Variants in ALMS1 observed in about 807,000 individuals in gnomAD.
ALMS1 encodes the protein centrosome-associated protein ALMS1.
A neutral mutation model predicts 352.2 loss-of-function variants in ALMS1; 271 were observed. The ratio of observed to expected loss-of-function variants is 0.77; its 90% confidence interval spans 0.70 to 0.85. The LOEUF is 0.85. Among genes scored for constraint, ALMS1 ranks in the 40% least tolerant of loss-of-function variants. The pLI, the probability that ALMS1 is intolerant of heterozygous loss-of-function variation, is 0.00. For missense variants in ALMS1, 5,445 were observed against 4,870.7 expected, an observed-to-expected ratio of 1.12 and a Z score of -3.51; for synonymous variants, 1,865 against 1,761.2, an observed-to-expected ratio of 1.06 and a Z score of -1.48.
intron 9 of ALMS1, among the ~76,000 whole-genome samples, chr2:73,483,200 G>T (rs374905513): frequency 0.059 from 8,764 of 147,720 alleles, 387 homozygotes; most frequent in East Asian, 0.21. Context: ...GCTTTCTCTT[G>T]TGGGCATTTA....
At chr2:73,516,596 T>C (rs1673561441) in intron 10 of ALMS1, among the ~76,000 whole-genome samples, 1 of 152,222 alleles carries the variant, frequency 6.6e-6, no homozygotes, top group Non-Finnish European at 1.5e-5. Context: ...AACTAAATAT[T>C]GTAAGAACTC....
chr2:73,477,023 A>C (rs540865164), intron 9 of ALMS1, among the ~76,000 whole-genome samples: 1 of 152,116 alleles, frequency 6.6e-6, no homozygotes, highest in Non-Finnish European at 1.5e-5. Context: ...GTGAAGACTT[A>C]TTGTACATGA....
At chr2:73,432,058 G>C in intron 6 of ALMS1, 140 bp from the exon 7 acceptor site, 1 of 657,808 alleles carries the variant, frequency 1.5e-6, no homozygotes, top group Non-Finnish European at 2.7e-6. Context: ...GTTCCTCTTT[G>C]TAAAAATGAA....
At chr2:73,598,393 C>G (rs1675596856) in intron 16 of ALMS1, among the ~76,000 whole-genome samples, 1 of 152,108 alleles carries the variant, frequency 6.6e-6, no homozygotes, top group Non-Finnish European at 1.5e-5. Context: ...GTGATGCATC[C>G]TAAATTTTAC....
intron 12 of ALMS1, among the ~76,000 whole-genome samples, chr2:73,548,009 G>A (rs1004562330): frequency 1.3e-5 from 2 of 152,156 alleles, no homozygotes; most frequent in Non-Finnish European, 2.9e-5. Context: ...GAGCAACTAG[G>A]TGAATAGAGG....
intron 9 of ALMS1, among the ~76,000 whole-genome samples, chr2:73,461,752 G>T (rs1440038802): frequency 6.6e-6 from 1 of 152,130 alleles, no homozygotes; most frequent in Non-Finnish European, 1.5e-5. Context: ...ATGCAGAGAA[G>T]TCCTTAAAGG....
In ALMS1 at chr2:73,608,402, G is replaced by C. The variant is rs928979113; in HGVS notation, c.12363-73G>C. The C allele has an allele frequency of 9.3e-6, 11 of 1,183,700 alleles. No homozygotes were observed. In the African/African-American group the frequency reaches 1.7e-4, roughly 18 times the overall value. 73.3% of individuals were successfully genotyped at this position (1,183,700 alleles called of 1,614,324 possible). On this transcript the variant is annotated intron_variant, in intron 21 of 22. Transcript: ENST00000613296. ...AGTGGGAGGTATAGGGAGGGATGAT[G>C]AGAGGAGATCTCATGACTCTGCACC...
chr2:73,484,565 T>C (rs1295806162), intron 9 of ALMS1, among the ~76,000 whole-genome samples: 4 of 151,570 alleles, frequency 2.6e-5, no homozygotes, highest in Non-Finnish European at 5.9e-5. Context: ...GGAGTTGCTC[T>C]TCTCGAGGAG....
At chr2:73,584,152 T>C (rs546602145) in intron 16 of ALMS1, among the ~76,000 whole-genome samples, 69 of 152,276 alleles carry the variant, frequency 4.5e-4, no homozygotes, top group Non-Finnish European at 7.6e-4. Flanking sequence ...CTCTATTATA[T>C]GAAAAATTAA....
chr2:73,423,996 T>G (rs1243620041), intron 4 of ALMS1, among the ~76,000 whole-genome samples: 1 of 152,158 alleles, frequency 6.6e-6, no homozygotes, highest in East Asian at 1.9e-4. Flanking sequence ...AAGGCTTGTC[T>G]TGAACTCCTG....
intron 18 of ALMS1, 69 bp from the exon 19 acceptor site, chr2:73,601,126 G>C (rs1675675241): frequency 2.5e-6 from 4 of 1,608,802 alleles, no homozygotes; most frequent in Non-Finnish European, 3.4e-6. Flanking sequence ...TGCATATCCT[G>C]GATAAGAGCT....
At chr2:73,403,869 A>G (rs931681772) in intron 1 of ALMS1, among the ~76,000 whole-genome samples, 1 of 151,962 alleles carries the variant, frequency 6.6e-6, no homozygotes. Context: ...ATTTTCATAT[A>G]TTGATTTTGT....
At chr2:73,472,458 AAATACTT>A (rs1416947709) in intron 9 of ALMS1, among the ~76,000 whole-genome samples, 1 of 152,106 alleles carries the variant, frequency 6.6e-6, no homozygotes, top group Non-Finnish European at 1.5e-5. Flanking sequence ...AATCAAAGTC[AAATACTT>A]TTGTTATGCA....
At chr2:73,407,737 TA>T (rs543030391) in intron 1 of ALMS1, among the ~76,000 whole-genome samples, 16 of 152,268 alleles carry the variant, frequency 1.1e-4, no homozygotes, top group African/African-American at 3.9e-4. Flanking sequence ...CTTGTATTTT[TA>T]GTAGAGACGG....
At chr2:73,484,799 TC>T (rs1463687395) in intron 9 of ALMS1, among the ~76,000 whole-genome samples, 3 of 152,188 alleles carry the variant, frequency 2.0e-5, no homozygotes, top group Non-Finnish European at 4.4e-5. Flanking sequence ...TCTCTAAACT[TC>T]CCTTCTCGCT....
chr2:73,552,380 G>A (rs11679594), intron 13 of ALMS1, among the ~76,000 whole-genome samples: 20,223 of 152,136 alleles, frequency 0.13, 1,549 homozygotes, highest in Admixed American at 0.18. Flanking sequence ...AATCCGTTAC[G>A]TGTTTTCCAC....
At position 73,390,519 on chromosome 2, in the gene ALMS1, T is replaced by C. The variant is rs550410459; in HGVS notation, c.324+4327T>C. On this transcript the variant is annotated intron_variant, in intron 1 of 22. Coordinates refer to ENST00000613296, the MANE Select transcript of ALMS1 (RefSeq NM_001378454.1). ...CTGTTACTAAGGCTGAGTTAAACTA[T>C]GATACTGTTTAAATTTGAAGCAAAA... is the stretch of plus-strand genomic sequence containing the variant. 1.2e-4 allele frequency among the ~76,000 whole-genome samples: 19 copies of C among 152,362 alleles called. No individual in the cohort carries two copies. In the South Asian group the frequency reaches 3.9e-3, roughly 32 times the overall value.
intron 11 of ALMS1, among the ~76,000 whole-genome samples, chr2:73,529,835 G>A (rs1375086316): frequency 6.6e-6 from 1 of 152,126 alleles, no homozygotes; most frequent in East Asian, 1.9e-4. Context: ...GAAGGTGAAG[G>A]GAAAGCAAGG....
chr2:73,437,320 GT>G (rs1199138880), intron 7 of ALMS1, among the ~76,000 whole-genome samples: 1 of 152,202 alleles, frequency 6.6e-6, no homozygotes, highest in African/African-American at 2.4e-5. Flanking sequence ...GCTGAAAGGG[GT>G]AGTAGTTAGT....
Sources: allele counts gnomAD v4.1 joint callset (sites outside exome capture counted in the v4.1 genomes callset), GRCh38; gene constraint gnomAD v4.1.1; transcripts MANE v1.5; gene names NCBI Gene and HGNC (gene_info 2026-07-23, HGNC 2026-07-21).